BRWD3: variants seen among roughly 807,000 people sequenced by gnomAD.
BRWD3 encodes bromodomain and WD repeat domain containing 3.
In BRWD3, 10 loss-of-function variants were observed where a neutral mutation model predicts 149.7. That is an observed-to-expected ratio of 0.07 (90% CI 0.04 to 0.11). BRWD3 has a LOEUF of 0.11. Among genes scored for constraint, BRWD3 ranks in the 10% least tolerant of loss-of-function variants. The pLI, the probability that BRWD3 is intolerant of heterozygous loss-of-function variation, is 1.00. For missense variants in BRWD3, 940 were observed against 1,373.2 expected, an observed-to-expected ratio of 0.68 and a Z score of 4.99; for synonymous variants, 504 against 456.7, an observed-to-expected ratio of 1.10 and a Z score of -1.32.
rs1383940659 is a variant in BRWD3, at chrX:80,809,755, GAAAA to G, written c.-288_-285del. ...AGAGAGAAGAGAGAGAGAGAGAGAG[GAAAA>G]AGAGAGAGAGAGAGAGAGAGAGAGA... On this transcript the variant is annotated 5_prime_UTR_variant, in exon 1 of 41. Transcript: ENST00000373275. 1 of 89,046 alleles carries G rather than the reference GAAAA, an allele frequency of 1.1e-5. No homozygotes were observed. The highest frequency in any genetic ancestry group is 1.2e-4 in the African/African-American group (1 of 8,655). 7.3% of individuals were successfully genotyped at this position (89,046 alleles called of 1,213,427 possible).
At position 80,736,091 on chromosome X, in the gene BRWD3, T is replaced by A; in HGVS notation, c.814-3A>T. 2 of 917,948 alleles carry A rather than the reference T, an allele frequency of 2.2e-6. No homozygotes were observed. Among genetic ancestry groups the A allele is most frequent in the Admixed American group, 2.8e-5 (1 of 35,990 alleles). The allele number at this position is 917,948 out of a possible 1,213,427, so 75.6% of individuals were successfully genotyped here. A position where few individuals can be genotyped will look rare whatever the true frequency, so the allele number is the denominator to read the frequency against. On this transcript the variant is annotated splice_polypyrimidine_tract_variant and splice_region_variant and intron_variant, in intron 8 of 40. Coordinates refer to ENST00000373275, the MANE Select transcript of BRWD3 (RefSeq NM_153252.5). ...GTGCCTTTAGTTGATGGACAAAACT[T>A]AAAAAAAAAAAAATCTGATTCAAAT...
intron 22 of BRWD3, among the ~76,000 whole-genome samples, chrX:80,705,725 C>G (rs191755490): frequency 2.7e-5 from 3 of 111,662 alleles, no homozygotes; most frequent in Non-Finnish European, 5.6e-5. Context: ...TAACACAATG[C>G]TAAGTATATA....
chrX:80,715,368 G>GA (rs758363914), intron 20 of BRWD3, among the ~76,000 whole-genome samples: 2 of 111,366 alleles, frequency 1.8e-5, no homozygotes, highest in East Asian at 2.8e-4. Context: ...ATCAATTATG[G>GA]AAAAAAATGC....
intron 6 of BRWD3, among the ~76,000 whole-genome samples, chrX:80,749,342 T>C (rs961331298): frequency 1.8e-5 from 2 of 111,757 alleles, no homozygotes; most frequent in African/African-American, 6.5e-5. Flanking sequence ...CCTTCAGTTT[T>C]TATTATATAT....
Position 80,704,202 on chromosome X carries a change from C to T in BRWD3, c.2721+476G>A, listed in dbSNP as rs972299900. ...CTATGATCATGCCTGTGAATAGCCA[C>T]TGCACTCCACTCTGGGCAACATAAG... On this transcript the variant is annotated intron_variant, in intron 23 of 40. Transcript: ENST00000373275. Among the ~76,000 whole-genome samples, 3 of 108,143 alleles carry T rather than the reference C, an allele frequency of 2.8e-5. No homozygotes were observed. The Admixed American group carries it at 3.1e-4, about 11-fold the overall frequency. The allele number at this position is 108,143 out of a possible 115,157, so 93.9% of individuals were successfully genotyped here. A position where few individuals can be genotyped will look rare whatever the true frequency, so the allele number is the denominator to read the frequency against.
At chrX:80,694,346 G>A (rs1400333067) in intron 27 of BRWD3, among the ~76,000 whole-genome samples, 1 of 112,142 alleles carries the variant, frequency 8.9e-6, no homozygotes, top group Non-Finnish European at 1.9e-5. Flanking sequence ...GAGAATCTCT[G>A]CTAGGGCAGT....
At chrX:80,768,529 C>T (rs12689010) in intron 6 of BRWD3, among the ~76,000 whole-genome samples, 9,242 of 110,906 alleles carry the variant, frequency 0.083, 372 homozygotes, top group South Asian at 0.18. Context: ...CAAGCAAACG[C>T]TGAGAGATTT....
At chrX:80,762,060 T>C (rs760854594) in intron 6 of BRWD3, among the ~76,000 whole-genome samples, 1 of 111,160 alleles carries the variant, frequency 9.0e-6, no homozygotes, top group African/African-American at 3.3e-5. Flanking sequence ...GATAAAAAAA[T>C]GCAAGAGACA....
chrX:80,769,874 G>C (rs1377906318), intron 6 of BRWD3, among the ~76,000 whole-genome samples: 2 of 110,774 alleles, frequency 1.8e-5, no homozygotes, highest in African/African-American at 6.6e-5. Context: ...AAGAAGAAAA[G>C]AGAGAAGAAT....
At position 80,683,309 on chromosome X, in the gene BRWD3, T is replaced by C. The variant is rs753754305; in HGVS notation, c.4234-681A>G. On this transcript the variant is annotated intron_variant, in intron 37 of 40. Transcript: ENST00000373275. Reference sequence around the variant, plus strand: ...AGTAAACAGTAACTGTAAGTAAAAATAGGTGATAGGTTTCACAGGTGATTT... The same window carrying C: ...AGTAAACAGTAACTGTAAGTAAAAACAGGTGATAGGTTTCACAGGTGATTT... 2.7e-5 allele frequency among the ~76,000 whole-genome samples: 3 copies of C among 111,677 alleles called. No homozygotes were observed. The East Asian group carries it at 8.5e-4, about 32-fold the overall frequency.
chrX:80,808,938 T>G (rs2074380183), intron 3 of BRWD3, 75 bp downstream of exon 3: 6 of 1,094,178 alleles, frequency 5.5e-6, no homozygotes, highest in Admixed American at 2.6e-5. Context: ...CAGCCCGTCT[T>G]CCGCCCCTGA....
At chrX:80,802,454 A>AT (rs1435390822) in intron 4 of BRWD3, among the ~76,000 whole-genome samples, 9 of 106,796 alleles carry the variant, frequency 8.4e-5, no homozygotes, top group African/African-American at 2.7e-4. Context: ...AAAAAAAAAA[A>AT]AAAAAAAAAA....
At chrX:80,706,569 T>G (rs2072869068) in intron 22 of BRWD3, among the ~76,000 whole-genome samples, 1 of 112,122 alleles carries the variant, frequency 8.9e-6, no homozygotes, top group African/African-American at 3.2e-5. Flanking sequence ...TCTCCACATC[T>G]TTTCCTGTTC....
rs1193264164 is a variant in BRWD3 at position 80,670,363 on chromosome X, G to A, written c.*6246C>T. 9.0e-6 allele frequency among the ~76,000 whole-genome samples: 1 copy of A among 111,002 alleles called. No homozygotes were observed. Among genetic ancestry groups the A allele is most frequent in the Middle Eastern group, 4.3e-3 (1 of 234 alleles). ...TATTGGTTTTATTTTGCACATTTTGGTAAAGTAGCTTTAAATTGTCAAGAA... is the reference window on the plus strand; with the variant it reads ...TATTGGTTTTATTTTGCACATTTTGATAAAGTAGCTTTAAATTGTCAAGAA... On this transcript the variant is annotated 3_prime_UTR_variant, in exon 41 of 41. Coordinates refer to ENST00000373275, the MANE Select transcript of BRWD3 (RefSeq NM_153252.5).
chrX:80,729,486 T>C lies in BRWD3; in HGVS notation c.1232+430A>G, dbSNP rs2073295845. 3.6e-5 allele frequency among the ~76,000 whole-genome samples: 4 copies of C among 111,703 alleles called. No homozygotes were observed. In the South Asian group the frequency reaches 1.1e-3, roughly 31 times the overall value. ...CAACAGTGAAGATGACAAAACTAAA[T>C]GCTGATTAAGTGGATATTTATTACT... is the stretch of plus-strand genomic sequence containing the variant. On this transcript the variant is annotated intron_variant, in intron 13 of 40. Transcript: ENST00000373275.
At chrX:80,752,687 T>G (rs1020608139) in intron 6 of BRWD3, among the ~76,000 whole-genome samples, 26 of 112,093 alleles carry the variant, frequency 2.3e-4, no homozygotes, top group Non-Finnish European at 9.4e-5. Context: ...CTTTCTTTCT[T>G]GAGATGAAGT....
chrX:80,764,830 T>C (rs1008250702), intron 6 of BRWD3, among the ~76,000 whole-genome samples: 2 of 111,298 alleles, frequency 1.8e-5, no homozygotes, highest in Non-Finnish European at 1.9e-5. Flanking sequence ...ACAATGAAAT[T>C]AAAAATAATC....
At chrX:80,800,476 G>A (rs1317662232) in intron 4 of BRWD3, among the ~76,000 whole-genome samples, 2 of 103,089 alleles carry the variant, frequency 1.9e-5, no homozygotes, top group African/African-American at 7.1e-5. Flanking sequence ...GGAGGTGGAG[G>A]CTGCAGTGAG....
At chrX:80,698,274 A>G (rs1220606208) in intron 25 of BRWD3, among the ~76,000 whole-genome samples, 1 of 112,090 alleles carries the variant, frequency 8.9e-6, no homozygotes, top group Non-Finnish European at 1.9e-5. Flanking sequence ...TGATCTTCAT[A>G]GGTATAGGGT....
Sources: gnomAD v4.1 joint callset for allele counts (sites outside exome capture counted in the v4.1 genomes callset) on GRCh38, gnomAD v4.1.1 for gene constraint, MANE v1.5 for transcripts, NCBI Gene and HGNC (gene_info 2026-07-23, HGNC 2026-07-21) for gene names.